UBXN2A: variants seen among roughly 807,000 people sequenced by gnomAD.
UBXN2A encodes UBX domain protein 2A, also known as UBX domain-containing protein 2A.
A neutral mutation model predicts 28.4 loss-of-function variants in UBXN2A; 28 were observed. The ratio of observed to expected loss-of-function variants is 0.99; its 90% CI spans 0.73 to 1.35. The LOEUF (loss-of-function observed/expected upper bound fraction) is 1.35. UBXN2A is among the 40% of genes most tolerant of loss of function. The pLI is 0.00. For synonymous variants in UBXN2A, 97 were observed against 103.6 expected, an observed-to-expected ratio of 0.94 and a Z score of 0.39; for missense variants, 253 against 297.9, an observed-to-expected ratio of 0.85 and a Z score of 1.11.
chr2:23,991,169 A>G (rs1395359451), intron 6 of UBXN2A, among the ~76,000 whole-genome samples: 2 of 152,194 alleles, frequency 1.3e-5, no homozygotes, highest in East Asian at 3.8e-4. Context: ...TTGTGCTAAA[A>G]TCTCCAACTA....
chr2:23,958,170 A>G (rs1706726002), intron 1 of UBXN2A, 131 bp from the exon 2 acceptor site: 1 of 538,634 alleles, frequency 1.9e-6, no homozygotes, highest in Non-Finnish European at 3.1e-6. Flanking sequence ...TTTGATGATG[A>G]AAATGACAGC....
At chr2:23,964,957 C>A (rs1707102588) in intron 2 of UBXN2A, among the ~76,000 whole-genome samples, 1 of 152,140 alleles carries the variant, frequency 6.6e-6, no homozygotes, top group Admixed American at 6.6e-5. Context: ...TGGCCTGGGG[C>A]ATATGGTAAA....
chr2:23,994,719 A>C (rs1708468070), intron 6 of UBXN2A, among the ~76,000 whole-genome samples: 2 of 152,200 alleles, frequency 1.3e-5, no homozygotes, highest in South Asian at 4.1e-4. Context: ...CTTATAATTC[A>C]TCTGGTCATT....
intron 3 of UBXN2A, among the ~76,000 whole-genome samples, chr2:23,976,359 T>G (rs541096465): frequency 2.0e-5 from 3 of 152,216 alleles, no homozygotes; most frequent in Non-Finnish European, 4.4e-5. Flanking sequence ...CTCTCCTGAT[T>G]ACTCAATTCT....
intron 3 of UBXN2A, among the ~76,000 whole-genome samples, chr2:23,972,020 G>C (rs974011449): frequency 6.6e-6 from 1 of 152,042 alleles, no homozygotes; most frequent in Non-Finnish European, 1.5e-5. Context: ...GATTGCTTGA[G>C]CTCAGGAGTT....
At position 23,953,218 on chromosome 2, in the gene UBXN2A, C is replaced by G. The variant is rs767358674; in HGVS notation, c.-14-5083C>G. Among the ~76,000 whole-genome samples, 120 of 152,046 alleles carry G rather than the reference C, an allele frequency of 7.9e-4. 3 individuals are homozygous for G. Among genetic ancestry groups the G allele is most frequent in the Middle Eastern group, 3.2e-3 (1 of 316 alleles). On this transcript the variant is annotated intron_variant, in intron 1 of 6. Coordinates refer to ENST00000309033, the MANE Select transcript of UBXN2A (RefSeq NM_181713.4). Reference sequence around the variant, plus strand: ...ACAAATGAAATTGCGGTATAGCACTCTAGGTGTATATATTTTTAGGGTAGA... The same window carrying G: ...ACAAATGAAATTGCGGTATAGCACTGTAGGTGTATATATTTTTAGGGTAGA...
intron 2 of UBXN2A, among the ~76,000 whole-genome samples, chr2:23,967,164 C>T (rs1378679794): frequency 6.6e-6 from 1 of 152,122 alleles, no homozygotes; most frequent in Non-Finnish European, 1.5e-5. Context: ...CTCTTATAAA[C>T]ATAGACCGTT....
chr2:23,949,753 T>A (rs1441894790), intron 1 of UBXN2A, among the ~76,000 whole-genome samples: 1 of 151,048 alleles, frequency 6.6e-6, no homozygotes, highest in Non-Finnish European at 1.5e-5. Context: ...CACATGCCAG[T>A]AATCCCAGCT....
intron 1 of UBXN2A, among the ~76,000 whole-genome samples, chr2:23,949,106 A>AT (rs1180015674): frequency 2.5e-5 from 3 of 121,890 alleles, no homozygotes; most frequent in East Asian, 2.4e-4. Flanking sequence ...AAGCCTGGCT[A>AT]TTTTTTTTTC....
At chr2:23,944,415 C>A in intron 1 of UBXN2A, 1 of 1,107,544 alleles carries the variant, frequency 9.0e-7, no homozygotes, top group South Asian at 1.3e-5. Context: ...TTCAGTTTGT[C>A]AGTCTTATCT....
chr2:23,994,950 G>C (rs1473877662), intron 6 of UBXN2A, among the ~76,000 whole-genome samples: 1 of 152,178 alleles, frequency 6.6e-6, no homozygotes, highest in Non-Finnish European at 1.5e-5. Context: ...GTGAAAACCT[G>C]GGTGTTTACC....
chr2:23,987,275 A>G (rs957372519), intron 6 of UBXN2A, among the ~76,000 whole-genome samples: 3 of 152,092 alleles, frequency 2.0e-5, no homozygotes, highest in African/African-American at 4.8e-5. Flanking sequence ...CCTACCTCAA[A>G]ACATAGATTC....
rs1708682016 is a variant in UBXN2A, at chr2:23,999,993, C to T, written c.*126C>T. Reference sequence around the variant, plus strand: ...TGGTTCGAGTACTATTGAACTCTCTCCTGATGAGAAGATGTTTAGATAAGT... The same window carrying T: ...TGGTTCGAGTACTATTGAACTCTCTTCTGATGAGAAGATGTTTAGATAAGT... On this transcript the variant is annotated 3_prime_UTR_variant, in exon 7 of 7. Transcript: ENST00000309033. The T allele has an allele frequency of 1.2e-6, 1 of 835,638 alleles. No individual in the cohort carries two copies. Among genetic ancestry groups the T allele is most frequent in the South Asian group, 1.9e-5 (1 of 53,306 alleles). The allele number at this position is 835,638 out of a possible 1,614,324, so 51.8% of individuals were successfully genotyped here.
intron 1 of UBXN2A, chr2:23,944,123 C>T: frequency 1.2e-6 from 1 of 816,820 alleles, no homozygotes; most frequent in Non-Finnish European, 2.1e-6. Context: ...CTGTTACTCC[C>T]AGGAAAGTTT....
At chr2:23,977,348 C>CG (rs371245447) in intron 4 of UBXN2A, 3 of 3,270 alleles carry the variant, frequency 9.2e-4, no homozygotes, top group Admixed American at 3.2e-3. Flanking sequence ...AGGCGGGGGT[C>CG]GGGGGGGTGG....
intron 1 of UBXN2A, chr2:23,943,748 C>A (rs1181631411): frequency 1.5e-5 from 3 of 203,022 alleles, no homozygotes; most frequent in Admixed American, 5.3e-5. Flanking sequence ...GTCTTGGCCT[C>A]CCAAAGTGCT....
chr2:23,936,916 G>A (rs1485397025), upstream of UBXN2A, among the ~76,000 whole-genome samples: 1 of 152,044 alleles, frequency 6.6e-6, no homozygotes, highest in Non-Finnish European at 1.5e-5. Flanking sequence ...TCACCATGTT[G>A]CCCAGGCTCG....
At chr2:23,961,294 C>T (rs1278200713) in intron 2 of UBXN2A, among the ~76,000 whole-genome samples, 1 of 151,518 alleles carries the variant, frequency 6.6e-6, no homozygotes, top group African/African-American at 2.4e-5. Flanking sequence ...TGGGGTTTCA[C>T]CATGTTGTCC....
intron 1 of UBXN2A, among the ~76,000 whole-genome samples, chr2:23,928,815 A>G (rs990292018): frequency 6.6e-6 from 1 of 152,198 alleles, no homozygotes; most frequent in African/African-American, 2.4e-5. Flanking sequence ...GGATTCCAGA[A>G]TAGATAAATC....
Sources: allele counts gnomAD v4.1 joint callset (sites outside exome capture counted in the v4.1 genomes callset), GRCh38; gene constraint gnomAD v4.1.1; transcripts MANE v1.5; gene names NCBI Gene and HGNC (gene_info 2026-07-23, HGNC 2026-07-21).